OTOGL: variants seen among roughly 807,000 people sequenced by gnomAD.
OTOGL encodes otogelin-like protein.
In OTOGL, 285 loss-of-function variants were observed where a neutral mutation model predicts 318.5. The ratio of observed to expected loss-of-function variants is 0.89; its 90% CI spans 0.81 to 0.99. The LOEUF (loss-of-function observed/expected upper bound fraction) is 0.99. OTOGL is among the 50% of genes least tolerant of loss of function. OTOGL has a pLI of 0.00. For synonymous variants in OTOGL, 987 were observed against 936.5 expected, an observed-to-expected ratio of 1.05 and a Z score of -0.99; for missense variants, 2,899 against 2,845.6, an observed-to-expected ratio of 1.02 and a Z score of -0.43.
At chr12:80,213,169 A>G (rs2137317772) in intron 4 of OTOGL, among the ~76,000 whole-genome samples, 1 of 152,334 alleles carries the variant, frequency 6.6e-6, no homozygotes, top group South Asian at 2.1e-4. Context: ...CAGGAAAGGG[A>G]CAGGAATTTC....
chr12:80,272,749 C>G (rs1414268833), intron 24 of OTOGL, among the ~76,000 whole-genome samples: 1 of 152,018 alleles, frequency 6.6e-6, no homozygotes, highest in African/African-American at 2.4e-5. Flanking sequence ...TGGCCCCCAT[C>G]TGGAATAGGT....
chr12:80,163,601 T>C (rs958876376), intron 1 of OTOGL, among the ~76,000 whole-genome samples: 2 of 152,142 alleles, frequency 1.3e-5, no homozygotes, highest in Non-Finnish European at 2.9e-5. Flanking sequence ...AATTAAGGAT[T>C]GGCTGATCTC....
intron 4 of OTOGL, among the ~76,000 whole-genome samples, chr12:80,217,167 C>T (rs1226941941): frequency 6.6e-6 from 1 of 152,012 alleles, no homozygotes; most frequent in Non-Finnish European, 1.5e-5. Flanking sequence ...CTATCTGCGC[C>T]TGGAAGTGTC....
At chr12:80,104,568 T>A (rs1035610264) in intron 1 of OTOGL, among the ~76,000 whole-genome samples, 1 of 151,984 alleles carries the variant, frequency 6.6e-6, no homozygotes, top group African/African-American at 2.4e-5. Flanking sequence ...GTCATTGTCT[T>A]CCTTATTTTC....
chr12:80,359,636 A>C (rs1890122248), intron 52 of OTOGL, among the ~76,000 whole-genome samples: 1 of 152,218 alleles, frequency 6.6e-6, no homozygotes, highest in South Asian at 2.1e-4. Flanking sequence ...TTTTAAAGTA[A>C]AAGAACCCTT....
intron 1 of OTOGL, among the ~76,000 whole-genome samples, chr12:80,116,119 G>A (rs909034034): frequency 1.3e-5 from 2 of 152,214 alleles, no homozygotes; most frequent in African/African-American, 4.8e-5. Flanking sequence ...CCTGCAGCTA[G>A]CTCGGTATCT....
At chr12:80,324,269 G>C (rs563716384) in intron 35 of OTOGL, among the ~76,000 whole-genome samples, 3 of 152,314 alleles carry the variant, frequency 2.0e-5, no homozygotes, top group African/African-American at 7.2e-5. Context: ...CTGACAAGGT[G>C]ACATCTGGTC....
At chr12:80,171,998 A>G (rs1874233473) in intron 1 of OTOGL, among the ~76,000 whole-genome samples, 1 of 152,166 alleles carries the variant, frequency 6.6e-6, no homozygotes. Context: ...ATATAATGCT[A>G]TAAGTTTTTA....
At position 80,251,815 on chromosome 12, in the gene OTOGL, T is replaced by G. The variant is rs1881579236; in HGVS notation, c.1159+16T>G. 1 of 1,549,312 alleles carries G rather than the reference T, an allele frequency of 6.5e-7. No homozygotes were observed. The highest frequency in any genetic ancestry group is 1.4e-5 in the African/African-American group (1 of 73,224). ...CCAGCATGCAGTATGTTTTTTTATT[T>G]TCCAAGCCCTGTGTACTTTTGCCAA... On this transcript the variant is annotated intron_variant, in intron 12 of 58. Transcript: ENST00000547103.
intron 1 of OTOGL, among the ~76,000 whole-genome samples, chr12:80,167,785 A>G (rs1231208645): frequency 6.6e-6 from 1 of 152,072 alleles, no homozygotes; most frequent in Non-Finnish European, 1.5e-5. Flanking sequence ...AGGAAACCTC[A>G]GAGTTGATTT....
intron 52 of OTOGL, among the ~76,000 whole-genome samples, 177 bp downstream of exon 52, chr12:80,359,077 T>G (rs980822105): frequency 3.9e-5 from 6 of 152,194 alleles, no homozygotes; most frequent in Non-Finnish European, 8.8e-5. Context: ...AGTTATATTT[T>G]AGTTGAGATA....
In OTOGL at chr12:80,256,588, G is replaced by C. The variant is rs1286412228; in HGVS notation, c.1711+128G>C. ...TGACTACCTAGCATTTATAGAGTTT[G>C]TATGTGTCATCAGGCCATCAGCTAC... On this transcript the variant is annotated intron_variant, in intron 17 of 58. Coordinates refer to ENST00000547103, the MANE Select transcript of OTOGL (RefSeq NM_001378609.3). 15 of 1,337,434 alleles carry C rather than the reference G, an allele frequency of 1.1e-5. No individual in the cohort carries two copies. In the African/African-American group the frequency reaches 1.3e-4, roughly 12 times the overall value. The allele number at this position is 1,337,434 out of a possible 1,614,324, so 82.8% of individuals were successfully genotyped here. A position where few individuals can be genotyped will look rare whatever the true frequency, so the allele number is the denominator to read the frequency against.
intron 1 of OTOGL, among the ~76,000 whole-genome samples, chr12:80,111,244 T>C (rs1351481184): frequency 6.6e-6 from 1 of 152,228 alleles, no homozygotes; most frequent in Non-Finnish European, 1.5e-5. Context: ...AGAAGCTCTC[T>C]AGTTTAATTA....
chr12:80,353,865 G>A (rs1592747170), intron 46 of OTOGL, among the ~76,000 whole-genome samples: 1 of 152,266 alleles, frequency 6.6e-6, no homozygotes, highest in Middle Eastern at 3.4e-3. Flanking sequence ...GGAAAGTGAG[G>A]AAAATAATAG....
chr12:80,302,692 A>ACAG lies in OTOGL; in HGVS notation c.3123_3124insAGC (p.Tyr1041_Tyr1042insSer). 1 of 1,454,964 alleles carries ACAG rather than the reference A, an allele frequency of 6.9e-7. No individual in the cohort carries two copies. The highest frequency in any genetic ancestry group is 9.1e-7 in the Non-Finnish European group (1 of 1,102,054). The allele number at this position is 1,454,964 out of a possible 1,614,324, so 90.1% of individuals were successfully genotyped here. On this transcript the variant is annotated inframe_insertion, in exon 28 of 59. Transcript: ENST00000547103. ...ACCTACCAGCTTTGGAAGGCTGGTT[A>ACAG]CTATATAGTAGTATACTTTCCAGAG...
chr12:80,267,553 C>A (rs1883087511), intron 22 of OTOGL, among the ~76,000 whole-genome samples: 1 of 89,234 alleles, frequency 1.1e-5, no homozygotes, highest in Non-Finnish European at 2.0e-5. Context: ...TGCTATCCCT[C>A]CCCCCTCCCC....
intron 30 of OTOGL, among the ~76,000 whole-genome samples, chr12:80,312,373 T>A (rs1176451737): frequency 1.1e-4 from 16 of 152,234 alleles, no homozygotes; most frequent in African/African-American, 3.9e-4. Context: ...TTTTCACTAT[T>A]TCTTAGCATA....
At chr12:80,274,295 A>G (rs186460071) in intron 24 of OTOGL, among the ~76,000 whole-genome samples, 114 of 152,212 alleles carry the variant, frequency 7.5e-4, no homozygotes, top group African/African-American at 2.5e-3. Context: ...CAGTGAACCC[A>G]CAAGTGGTAA....
chr12:80,160,374 G>A (rs931284337), intron 1 of OTOGL, among the ~76,000 whole-genome samples: 7 of 152,040 alleles, frequency 4.6e-5, no homozygotes, highest in Non-Finnish European at 8.8e-5. Flanking sequence ...AATCTGCAAG[G>A]AACTCAAACA....
Sources: allele counts gnomAD v4.1 joint callset (sites outside exome capture counted in the v4.1 genomes callset), GRCh38; gene constraint gnomAD v4.1.1; transcripts MANE v1.5; gene names NCBI Gene and HGNC (gene_info 2026-07-23, HGNC 2026-07-21).